Variants in DOCK3 observed in about 807,000 individuals in gnomAD.
The protein encoded by DOCK3 is dedicator of cytokinesis protein 3.
In DOCK3, 60 loss-of-function variants were observed where a neutral mutation model predicts 265.6. The ratio of observed to expected loss-of-function variants is 0.23; its 90% CI spans 0.18 to 0.28. The LOEUF (loss-of-function observed/expected upper bound fraction) is 0.28, where lower values mean the gene tolerates loss of function less well. Among genes scored for constraint, DOCK3 ranks in the 10% least tolerant of loss-of-function variants. DOCK3 has a pLI of 1.00. For missense variants in DOCK3, 1,981 were observed against 2,594.3 expected (o/e 0.76, Z 5.14); for synonymous variants, 881 against 938.0 (o/e 0.94, Z 1.11).
chr3:50,914,279 G>A (rs1000473479), intron 4 of DOCK3, among the ~76,000 whole-genome samples: 3 of 151,496 alleles, frequency 2.0e-5, no homozygotes, highest in Admixed American at 2.0e-4. Context: ...CATTCTTGTT[G>A]TTCATTTGAG....
chr3:51,049,691 G>A (rs1243186897), intron 5 of DOCK3, among the ~76,000 whole-genome samples: 1 of 151,812 alleles, frequency 6.6e-6, no homozygotes, highest in African/African-American at 2.4e-5. Flanking sequence ...AGAACAAATA[G>A]ACAAGAAAAA....
intron 6 of DOCK3, among the ~76,000 whole-genome samples, chr3:51,068,061 G>A (rs978096349): frequency 4.6e-5 from 7 of 152,154 alleles, no homozygotes; most frequent in Admixed American, 4.6e-4. Flanking sequence ...TTTAATTGAT[G>A]TAATTAAATA....
At chr3:50,712,127 T>G (rs1234617771) in intron 1 of DOCK3, among the ~76,000 whole-genome samples, 1 of 152,178 alleles carries the variant, frequency 6.6e-6, no homozygotes, top group African/African-American at 2.4e-5. Context: ...CAACTTTCAG[T>G]TTTGCCAATT....
chr3:51,081,643 C>A (rs933863899), intron 7 of DOCK3, among the ~76,000 whole-genome samples: 1 of 151,998 alleles, frequency 6.6e-6, no homozygotes, highest in Admixed American at 6.6e-5. Context: ...CGCCTGTAAT[C>A]CCAGCACTTT....
chr3:50,764,120 T>C (rs563190315), intron 1 of DOCK3, among the ~76,000 whole-genome samples: 39 of 152,354 alleles, frequency 2.6e-4, no homozygotes, highest in African/African-American at 8.7e-4. Flanking sequence ...TGAGATGTTG[T>C]ATTACATTTT....
chr3:50,956,736 G>C (rs1201140363), intron 5 of DOCK3, among the ~76,000 whole-genome samples: 1 of 152,142 alleles, frequency 6.6e-6, no homozygotes, highest in Non-Finnish European at 1.5e-5. Flanking sequence ...TAAGTGCCTT[G>C]CTTCGACTCC....
chr3:51,200,459 G>T (rs1442120944), intron 12 of DOCK3, among the ~76,000 whole-genome samples: 97 of 20,666 alleles, frequency 4.7e-3, no homozygotes, highest in African/African-American at 7.0e-3. Flanking sequence ...AAGCGAGAAG[G>T]GAAGTTTAGA....
At chr3:51,371,047 C>T (rs1430341254) in intron 49 of DOCK3, among the ~76,000 whole-genome samples, 3 of 152,180 alleles carry the variant, frequency 2.0e-5, no homozygotes, top group Non-Finnish European at 4.4e-5. Flanking sequence ...CCTCAAGGCT[C>T]GTTTTTACCC....
intron 19 of DOCK3, among the ~76,000 whole-genome samples, chr3:51,234,971 G>T (rs1252559806): frequency 6.6e-6 from 1 of 152,218 alleles, no homozygotes; most frequent in Non-Finnish European, 1.5e-5. Context: ...ATGTAGGCTA[G>T]AGATTAAATC....
intron 5 of DOCK3, among the ~76,000 whole-genome samples, chr3:50,939,483 C>T (rs1435219441): frequency 2.0e-5 from 3 of 151,984 alleles, no homozygotes; most frequent in Non-Finnish European, 4.4e-5. Context: ...CAAACATCCT[C>T]AATAAGGTAT....
chr3:50,886,980 A>G (rs1410038098), intron 3 of DOCK3, among the ~76,000 whole-genome samples: 1 of 152,146 alleles, frequency 6.6e-6, no homozygotes, highest in Non-Finnish European at 1.5e-5. Context: ...AACACATTCA[A>G]AAGCTAGCAG....
At chr3:51,267,406 T>A (rs2108837135) in intron 23 of DOCK3, among the ~76,000 whole-genome samples, 1 of 149,192 alleles carries the variant, frequency 6.7e-6, no homozygotes, top group South Asian at 2.1e-4. Flanking sequence ...TTTTTTGAGA[T>A]GGAGTTTCAC....
At chr3:50,699,365 C>A (rs899686160) in intron 1 of DOCK3, among the ~76,000 whole-genome samples, 1 of 151,698 alleles carries the variant, frequency 6.6e-6, no homozygotes, top group Admixed American at 6.6e-5. Context: ...CAACTTTGTG[C>A]TTATTTTTCA....
chr3:51,115,280 A>G (rs550948232), intron 9 of DOCK3, among the ~76,000 whole-genome samples: 3 of 152,288 alleles, frequency 2.0e-5, no homozygotes, highest in South Asian at 2.1e-4. Context: ...AAGCGTCCCT[A>G]TCTTTCCACA....
intron 5 of DOCK3, among the ~76,000 whole-genome samples, chr3:50,938,827 C>T (rs1382254614): frequency 1.3e-5 from 2 of 151,474 alleles, no homozygotes; most frequent in Admixed American, 6.6e-5. Flanking sequence ...GATTGCAGCT[C>T]CTGCTCTACT....
chr3:50,772,381 G>A lies in DOCK3; in HGVS notation c.38-6294G>A, dbSNP rs865989976. On this transcript the variant is annotated intron_variant, in intron 1 of 52. Transcript: ENST00000266037. ...TTACAAAGAATGAACAAGACCTACT[G>A]TTTGATAGCTCAACAGGGTGACTAT... 4.3e-4 allele frequency among the ~76,000 whole-genome samples: 66 copies of A among 152,244 alleles called. No homozygotes were observed. The Middle Eastern group carries it at 0.01, about 24-fold the overall frequency.
At chr3:51,226,825 C>A (rs1324278168) in intron 15 of DOCK3, among the ~76,000 whole-genome samples, 1 of 152,162 alleles carries the variant, frequency 6.6e-6, no homozygotes, top group Admixed American at 6.5e-5. Context: ...AGAAAGTCAG[C>A]CAGGGGTGAC....
chr3:51,083,416 CAA>C lies in DOCK3; in HGVS notation c.550-5825_550-5824del, dbSNP rs541141366. ...AGCAAAGATACATGACACTTCCAAA[CAA>C]AGACAATAATTCTCTAGTAACAGAT... On this transcript the variant is annotated intron_variant, in intron 7 of 52. Transcript: ENST00000266037. Among the ~76,000 whole-genome samples, 7 of 152,140 alleles carry C rather than the reference CAA, an allele frequency of 4.6e-5. No individual in the cohort carries two copies. The South Asian group carries it at 1.5e-3, about 32-fold the overall frequency.
intron 9 of DOCK3, among the ~76,000 whole-genome samples, chr3:51,120,733 G>C (rs1459752875): frequency 6.6e-6 from 1 of 152,328 alleles, no homozygotes; most frequent in Middle Eastern, 3.4e-3. Flanking sequence ...GCTCTGCCAA[G>C]TCCAAACATC....
Sources: allele counts gnomAD v4.1 joint callset (sites outside exome capture counted in the v4.1 genomes callset), GRCh38; gene constraint gnomAD v4.1.1; transcripts MANE v1.5; gene names NCBI Gene and HGNC (gene_info 2026-07-23, HGNC 2026-07-21).